FAM13A: variants seen among roughly 807,000 people sequenced by gnomAD.
The protein encoded by FAM13A is protein FAM13A.
Under a neutral mutation model 129.6 loss-of-function variants are expected in FAM13A, and 76 were observed. The ratio of observed to expected loss-of-function variants is 0.59; its 90% CI spans 0.49 to 0.71. FAM13A has a LOEUF of 0.71. Among genes scored for constraint, FAM13A ranks in the 30% least tolerant of loss-of-function variants. FAM13A has a pLI of 0.00. For missense variants in FAM13A, 1,108 were observed against 1,249.3 expected, an observed-to-expected ratio of 0.89 and a Z score of 1.70; for synonymous variants, 443 against 449.9, an observed-to-expected ratio of 0.98 and a Z score of 0.20.
At chr4:89,021,461 C>A (rs572489327) in intron 2 of FAM13A, among the ~76,000 whole-genome samples, 1 of 152,172 alleles carries the variant, frequency 6.6e-6, no homozygotes, top group Non-Finnish European at 1.5e-5. Context: ...TTGATCTACC[C>A]CTGACAAAGA....
chr4:88,728,539 G>A lies in FAM13A; in HGVS notation c.3066C>T (p.Ser1022=). 1.2e-6 allele frequency: 2 copies of A among 1,614,124 alleles called. No individual in the cohort carries two copies. The highest frequency in any genetic ancestry group is 1.7e-6 in the Non-Finnish European group (2 of 1,180,002). Reference sequence around the variant, plus strand: ...CTGTGCTTGGCCATGCCCCTCACATGGACTTGGAATCAGTGTCTCTCTTGC... The same window carrying A: ...CTGTGCTTGGCCATGCCCCTCACATAGACTTGGAATCAGTGTCTCTCTTGC... ...LISKRDTDSK[S]M is the part of the protein sequence containing the mutation. The change falls in exon 24 of 24, where the codon TCC becomes TCT. Residue 1022 remains serine, a synonymous_variant. Transcript: ENST00000264344.
rs1289438775 is a variant in FAM13A at position 88,758,864 on chromosome 4, G to C, written c.1616C>G (p.Ser539Cys). 3.1e-6 allele frequency: 5 copies of C among 1,613,972 alleles called. No homozygotes were observed. In the East Asian group the frequency reaches 1.1e-4, roughly 36 times the overall value. Reference protein sequence around the residue: ...TMKIQEHPSLSDTKQQRNQDA... With the variant: ...TMKIQEHPSLCDTKQQRNQDA... ...TTGATTTCTCTGCTGTTTGGTGTCA[G>C]ATAGGCTGGGATGCTCCTGGATCTT... Residue 539 changes from serine to cysteine, a missense_variant, in exon 14 of 24, where the codon TCT becomes TGT. Coordinates refer to ENST00000264344, the MANE Select transcript of FAM13A (RefSeq NM_014883.4).
At chr4:89,042,217 C>T (rs2149161714) in intron 1 of FAM13A, among the ~76,000 whole-genome samples, 1 of 152,086 alleles carries the variant, frequency 6.6e-6, no homozygotes, top group East Asian at 1.9e-4. Flanking sequence ...TGACCAATAG[C>T]CATGCTGTAA....
intron 5 of FAM13A, among the ~76,000 whole-genome samples, chr4:88,926,955 T>A (rs1263170258): frequency 6.6e-6 from 1 of 152,162 alleles, no homozygotes; most frequent in African/African-American, 2.4e-5. Flanking sequence ...TCTGGGCTTT[T>A]AGTGTGTGTA....
At chr4:89,021,970 C>T (rs11947489) in intron 2 of FAM13A, among the ~76,000 whole-genome samples, 1,940 of 152,156 alleles carry the variant, frequency 0.013, 48 homozygotes, top group African/African-American at 0.044. Flanking sequence ...GTGTGCTACA[C>T]ACCATGTAAG....
intron 4 of FAM13A, among the ~76,000 whole-genome samples, chr4:88,957,993 T>G (rs1758015992): frequency 6.6e-6 from 1 of 151,994 alleles, no homozygotes; most frequent in South Asian, 2.1e-4. Context: ...AAGAAATGAC[T>G]AAAAGTTGGA....
intron 7 of FAM13A, among the ~76,000 whole-genome samples, chr4:88,839,368 T>C (rs1199544978): frequency 1.3e-5 from 2 of 152,242 alleles, no homozygotes; most frequent in Non-Finnish European, 2.9e-5. Flanking sequence ...ATCTATTTAT[T>C]CATTCAACAA....
chr4:89,027,320 C>G (rs977018927), intron 2 of FAM13A, among the ~76,000 whole-genome samples: 1 of 152,210 alleles, frequency 6.6e-6, no homozygotes, highest in East Asian at 1.9e-4. Flanking sequence ...CCAGCCTGGA[C>G]AACATGGCGA....
At chr4:89,023,050 G>C (rs1474830486) in intron 2 of FAM13A, among the ~76,000 whole-genome samples, 1 of 152,210 alleles carries the variant, frequency 6.6e-6, no homozygotes, top group Admixed American at 6.5e-5. Context: ...CAGAAACTAT[G>C]AGATAATGAT....
rs899260596 is a variant in FAM13A, at chr4:88,957,256, G to A, written c.606-19015C>T. 1.1e-4 allele frequency among the ~76,000 whole-genome samples: 16 copies of A among 152,220 alleles called. No homozygotes were observed. The South Asian group carries it at 3.1e-3, about 30-fold the overall frequency. On this transcript the variant is annotated intron_variant, in intron 4 of 23. Coordinates refer to ENST00000264344, the MANE Select transcript of FAM13A (RefSeq NM_014883.4). ...CAGGAGAATCACTTCAACCTGGGAG[G>A]TGGAGGTTGCAGTGAGCTGAGGAGA...
At chr4:88,806,085 G>A (rs1728498226) in intron 7 of FAM13A, among the ~76,000 whole-genome samples, 1 of 151,750 alleles carries the variant, frequency 6.6e-6, no homozygotes, top group Non-Finnish European at 1.5e-5. Flanking sequence ...TCCCCCTTGC[G>A]GTCCACTGGA....
chr4:88,887,441 G>A (rs1398505875), intron 6 of FAM13A, among the ~76,000 whole-genome samples: 1 of 151,986 alleles, frequency 6.6e-6, no homozygotes, highest in African/African-American at 2.4e-5. Context: ...AGGCTTTGAA[G>A]CCAAAGAGCT....
At chr4:88,858,314 CT>C (rs1738894568) in intron 6 of FAM13A, among the ~76,000 whole-genome samples, 1 of 152,150 alleles carries the variant, frequency 6.6e-6, no homozygotes, top group Non-Finnish European at 1.5e-5. Flanking sequence ...GACTTTAAGT[CT>C]TTTATCAGGA....
At chr4:88,750,709 T>C in intron 14 of FAM13A, 72 bp from the exon 15 acceptor site, 1 of 1,140,608 alleles carries the variant, frequency 8.8e-7, no homozygotes, top group Non-Finnish European at 1.3e-6. Context: ...AACACAAGTG[T>C]TTCCCAGGCT....
intron 1 of FAM13A, among the ~76,000 whole-genome samples, chr4:89,030,085 A>G (rs1204789085): frequency 6.6e-6 from 1 of 151,648 alleles, no homozygotes; most frequent in South Asian, 2.1e-4. Context: ...AAAGTGTCAG[A>G]AAAAAAAATT....
At chr4:89,014,180 C>T (rs1308977650) in intron 3 of FAM13A, among the ~76,000 whole-genome samples, 1 of 152,138 alleles carries the variant, frequency 6.6e-6, no homozygotes, top group East Asian at 1.9e-4. Flanking sequence ...CCTACAGATG[C>T]ATGACAATAA....
intron 2 of FAM13A, among the ~76,000 whole-genome samples, chr4:89,022,104 A>T (rs2149111734): frequency 6.6e-6 from 1 of 152,324 alleles, no homozygotes; most frequent in South Asian, 2.1e-4. Context: ...TGACATAATG[A>T]CATTGAAGCC....
At chr4:89,033,339 A>T (rs1467495626) in intron 1 of FAM13A, among the ~76,000 whole-genome samples, 1 of 152,224 alleles carries the variant, frequency 6.6e-6, no homozygotes, top group Non-Finnish European at 1.5e-5. Flanking sequence ...CCTATAAAAA[A>T]GAAACTCTAG....
chr4:88,743,045 T>C (rs1740583613), intron 19 of FAM13A, among the ~76,000 whole-genome samples: 1 of 152,226 alleles, frequency 6.6e-6, no homozygotes, highest in African/African-American at 2.4e-5. Flanking sequence ...CATTAAGATG[T>C]ATTTTTGCAC....
Sources: allele counts gnomAD v4.1 joint callset (sites outside exome capture counted in the v4.1 genomes callset), GRCh38; gene constraint gnomAD v4.1.1; transcripts MANE v1.5; gene names NCBI Gene and HGNC (gene_info 2026-07-23, HGNC 2026-07-21).